Variants in MAMDC2 observed in about 807,000 individuals in gnomAD.
MAMDC2 encodes MAM domain-containing protein 2.
In MAMDC2, 57 loss-of-function variants were observed where a neutral mutation model predicts 89.8. The ratio of observed to expected loss-of-function variants is 0.63; its 90% confidence interval spans 0.51 to 0.79. The LOEUF (loss-of-function observed/expected upper bound fraction) is 0.79. MAMDC2 is among the 30% of genes least tolerant of loss of function. The pLI is 0.00. For synonymous variants in MAMDC2, 313 were observed against 293.4 expected, an observed-to-expected ratio of 1.07 and a Z score of -0.68; for missense variants, 800 against 820.6, an observed-to-expected ratio of 0.97 and a Z score of 0.31.
chr9:70,127,462 T>C (rs1452246668), intron 6 of MAMDC2, among the ~76,000 whole-genome samples: 2 of 148,318 alleles, frequency 1.3e-5, no homozygotes, highest in South Asian at 2.2e-4. Flanking sequence ...AAGTTATTAA[T>C]ATCCTCCACT....
intron 11 of MAMDC2, among the ~76,000 whole-genome samples, chr9:70,204,899 C>T (rs544532990): frequency 4.5e-4 from 69 of 152,326 alleles, no homozygotes; most frequent in African/African-American, 1.6e-3. Context: ...AGGCAATGCC[C>T]CGCCCTGCTT....
intron 2 of MAMDC2, among the ~76,000 whole-genome samples, chr9:70,065,807 C>T (rs1827250257): frequency 6.6e-6 from 1 of 152,204 alleles, no homozygotes; most frequent in Non-Finnish European, 1.5e-5. Context: ...ATGATTCTTA[C>T]ATTGCATAGC....
At chr9:70,148,959 G>T (rs1332200704) in intron 9 of MAMDC2, among the ~76,000 whole-genome samples, 1 of 148,430 alleles carries the variant, frequency 6.7e-6, no homozygotes, top group Non-Finnish European at 1.5e-5. Flanking sequence ...AACCCGGGAG[G>T]TGGAGCTTGC....
At chr9:70,076,277 C>T (rs771332431) in intron 2 of MAMDC2, among the ~76,000 whole-genome samples, 3 of 151,992 alleles carry the variant, frequency 2.0e-5, no homozygotes, top group South Asian at 4.2e-4. Context: ...AAAATTTAGC[C>T]GAGTGTGGTG....
intron 4 of MAMDC2, among the ~76,000 whole-genome samples, chr9:70,111,780 C>T (rs1161879577): frequency 6.6e-6 from 1 of 152,184 alleles, no homozygotes; most frequent in African/African-American, 2.4e-5. Context: ...TTGAGGGAAG[C>T]TCACTGAAGA....
chr9:70,170,540 G>T lies in MAMDC2; in HGVS notation c.1560G>T (p.Gln520His). Residue 520 changes from glutamine (Q) to histidine (H), a missense_variant, in exon 11 of 14, where the codon CAG becomes CAT. By Grantham distance (24) the Gln-to-His change is conservative (BLOSUM62 0). Coordinates refer to ENST00000377182, the MANE Select transcript of MAMDC2 (RefSeq NM_153267.5). ...AGCAAGATGAATGTACATTTACTCA[G>T]GAGAAAAGAAACCGGAGCAGCTGGC... is the stretch of plus-strand genomic sequence containing the variant. ...TFEQDECTFT[Q>H]EKRNRSSWHR... The T allele has an allele frequency of 6.2e-7, 1 of 1,613,228 alleles. No individual in the cohort carries two copies. Among genetic ancestry groups the T allele is most frequent in the South Asian group, 1.1e-5 (1 of 90,976 alleles).
rs1308651353 is a variant in MAMDC2, at chr9:70,218,580, G to A, written c.1895G>A (p.Cys632Tyr). 1.2e-6 allele frequency: 2 copies of A among 1,608,632 alleles called. No homozygotes were observed. The highest frequency in any genetic ancestry group is 8.5e-7 in the Non-Finnish European group (1 of 1,176,048). The change falls in exon 12 of 14, where the codon TGT (cysteine) becomes TAT (tyrosine). Residue 632 changes from cysteine to tyrosine, a missense_variant. By Grantham distance (194) the Cys-to-Tyr change is radical. Coordinates refer to ENST00000377182, the MANE Select transcript of MAMDC2 (RefSeq NM_153267.5). ...CTACGAGCACTGATTGAATACAGCT[G>A]TGAGAGGCAACACCAGGTAAGCCAA... ...SWLRALIEYS[C>Y]ERQHQIIFEA...
chr9:70,107,285 C>T (rs1406677888), intron 2 of MAMDC2, among the ~76,000 whole-genome samples: 5 of 152,010 alleles, frequency 3.3e-5, no homozygotes, highest in Admixed American at 3.3e-4. Flanking sequence ...CTTTTCATAT[C>T]TTGTACAGCC....
chr9:70,044,128 C>G lies in MAMDC2; in HGVS notation c.-70C>G. ...CCCCCGCCTCCCACGATCCCTTTCACTAGGAGCAGCCAGTCCCAGCGGGCT... is the reference window on the plus strand; with the variant it reads ...CCCCCGCCTCCCACGATCCCTTTCAGTAGGAGCAGCCAGTCCCAGCGGGCT... On this transcript the variant is annotated 5_prime_UTR_variant, in exon 1 of 14. Coordinates refer to ENST00000377182, the MANE Select transcript of MAMDC2 (RefSeq NM_153267.5). The G allele has an allele frequency of 6.3e-7, 1 of 1,585,948 alleles. No homozygotes were observed.
chr9:70,209,063 G>C (rs370917351), intron 11 of MAMDC2, among the ~76,000 whole-genome samples: 2 of 152,192 alleles, frequency 1.3e-5, no homozygotes, highest in Non-Finnish European at 2.9e-5. Context: ...TTGCGTCGAT[G>C]TTCATCAGGG....
chr9:70,151,502 G>C lies in MAMDC2; in HGVS notation c.1404+7683G>C, dbSNP rs191473514. On this transcript the variant is annotated intron_variant, in intron 9 of 13. Coordinates refer to ENST00000377182, the MANE Select transcript of MAMDC2 (RefSeq NM_153267.5). ...TCAATAAATTTTGTTTGGTACGTAT[G>C]TGGTCAATGAATGAATAAAAGAATG... Among the ~76,000 whole-genome samples, 36 of 152,336 alleles carry C rather than the reference G, an allele frequency of 2.4e-4. 1 individual carries two copies. In the East Asian group the frequency reaches 6.0e-3, roughly 25 times the overall value.
intron 10 of MAMDC2, chr9:70,170,262 T>C (rs921840261): frequency 9.4e-6 from 4 of 427,354 alleles, no homozygotes; most frequent in Non-Finnish European, 1.6e-5. Context: ...TTTAGATCTG[T>C]ATATCTGATT....
intron 11 of MAMDC2, among the ~76,000 whole-genome samples, chr9:70,184,518 C>T (rs2032708481): frequency 1.3e-5 from 2 of 152,108 alleles, no homozygotes; most frequent in Admixed American, 1.3e-4. Context: ...TCAGGTACAC[C>T]AATCAGTCAT....
At chr9:70,140,077 G>T in intron 7 of MAMDC2, 68 bp from the exon 8 acceptor site, 1 of 1,449,768 alleles carries the variant, frequency 6.9e-7, no homozygotes, top group Non-Finnish European at 9.1e-7. Context: ...ATAAATATCT[G>T]TCAACCAGTT....
chr9:70,046,899 G>A (rs147737473), intron 2 of MAMDC2, among the ~76,000 whole-genome samples: 11 of 152,320 alleles, frequency 7.2e-5, no homozygotes, highest in African/African-American at 1.2e-4. Context: ...GAACTTGGAC[G>A]TAACAGTGTA....
intron 9 of MAMDC2, among the ~76,000 whole-genome samples, chr9:70,162,060 A>G (rs1438806979): frequency 6.6e-6 from 1 of 152,206 alleles, no homozygotes; most frequent in Non-Finnish European, 1.5e-5. Flanking sequence ...CCAAATATAG[A>G]AGGCAATTTC....
intron 5 of MAMDC2, 56 bp from the exon 6 acceptor site, chr9:70,126,103 C>A: frequency 1.3e-6 from 2 of 1,517,928 alleles, no homozygotes; most frequent in Non-Finnish European, 1.8e-6. Flanking sequence ...GCCTGAACCT[C>A]TTCCCCTCCC....
At chr9:70,151,317 G>A (rs1475149377) in intron 9 of MAMDC2, among the ~76,000 whole-genome samples, 1 of 152,228 alleles carries the variant, frequency 6.6e-6, no homozygotes, top group Non-Finnish European at 1.5e-5. Flanking sequence ...AATCTGAAAT[G>A]ATCTCATTTG....
intron 2 of MAMDC2, among the ~76,000 whole-genome samples, chr9:70,056,802 C>T (rs960277270): frequency 2.6e-5 from 4 of 152,154 alleles, no homozygotes; most frequent in Non-Finnish European, 5.9e-5. Flanking sequence ...TGCATTACCT[C>T]CTGAGCTCCA....
Sources: allele counts gnomAD v4.1 joint callset (sites outside exome capture counted in the v4.1 genomes callset), GRCh38; gene constraint gnomAD v4.1.1; transcripts MANE v1.5; gene names NCBI Gene and HGNC (gene_info 2026-07-23, HGNC 2026-07-21).